CCDC3: variants seen among roughly 807,000 people sequenced by gnomAD.
The protein encoded by CCDC3 is coiled-coil domain-containing protein 3.
In CCDC3, 24 loss-of-function variants were observed where a neutral mutation model predicts 21.4. The observed-to-expected ratio is 1.12, with a 90% CI of 0.81 to 1.58. CCDC3 has a LOEUF of 1.58. Ranked by LOEUF, CCDC3 falls within the 40% of genes most tolerant of loss-of-function variation. CCDC3 has a pLI of 0.00. For synonymous variants in CCDC3, 186 were observed against 166.0 expected, an observed-to-expected ratio of 1.12 and a Z score of -0.93; for missense variants, 425 against 360.9, an observed-to-expected ratio of 1.18 and a Z score of -1.44.
chr10:12,994,067 T>C (rs1048518550), intron 2 of CCDC3, among the ~76,000 whole-genome samples: 1 of 152,060 alleles, frequency 6.6e-6, no homozygotes, highest in Non-Finnish European at 1.5e-5. Context: ...AGATCCACTG[T>C]CCAAGCTGAA....
chr10:12,927,320 ATC>A (rs1210445580), intron 2 of CCDC3, among the ~76,000 whole-genome samples: 1 of 152,174 alleles, frequency 6.6e-6, no homozygotes, highest in Non-Finnish European at 1.5e-5. Flanking sequence ...TTTAGCACAC[ATC>A]TCTAGCTGAT....
chr10:12,922,199 GCT>G (rs1335488294), intron 2 of CCDC3, among the ~76,000 whole-genome samples: 2 of 152,092 alleles, frequency 1.3e-5, no homozygotes, highest in East Asian at 3.9e-4. Context: ...ATGGTTCTTT[GCT>G]CTCTTACATG....
At chr10:13,076,704 C>T (rs1260254543) in intron 3 of CCDC3, among the ~76,000 whole-genome samples, 1 of 152,218 alleles carries the variant, frequency 6.6e-6, no homozygotes, top group Non-Finnish European at 1.5e-5. Flanking sequence ...CATGTCCCAG[C>T]TCGCAGCCTA....
At chr10:12,906,815 A>C (rs149809261) in intron 2 of CCDC3, among the ~76,000 whole-genome samples, 1 of 152,090 alleles carries the variant, frequency 6.6e-6, no homozygotes, top group Non-Finnish European at 1.5e-5. Context: ...AGGACACACA[A>C]AGCTTTTGTG....
intron 2 of CCDC3, among the ~76,000 whole-genome samples, chr10:12,988,685 T>C (rs921420665): frequency 2.0e-5 from 3 of 152,154 alleles, no homozygotes; most frequent in Admixed American, 6.6e-5. Context: ...TCATTATCTG[T>C]TATTTTTCCT....
intron 5 of CCDC3, among the ~76,000 whole-genome samples, chr10:13,040,818 C>G (rs528430276): frequency 1.3e-5 from 2 of 151,826 alleles, no homozygotes; most frequent in Admixed American, 6.6e-5. Context: ...TTTCAGGTAG[C>G]CTTTGAAGGT....
At chr10:13,088,820 C>G (rs929895563) in intron 3 of CCDC3, among the ~76,000 whole-genome samples, 1 of 152,072 alleles carries the variant, frequency 6.6e-6, no homozygotes, top group African/African-American at 2.4e-5. Flanking sequence ...GTCAGGAGTT[C>G]GAGACCAGCC....
intron 4 of CCDC3, among the ~76,000 whole-genome samples, chr10:13,063,709 A>G (rs1836789824): frequency 6.6e-6 from 1 of 152,170 alleles, no homozygotes; most frequent in African/African-American, 2.4e-5. Context: ...TGGGATACAA[A>G]TGCTTCAGTA....
chr10:13,049,523 G>A (rs932062734), intron 5 of CCDC3, among the ~76,000 whole-genome samples: 1 of 152,128 alleles, frequency 6.6e-6, no homozygotes, highest in African/African-American at 2.4e-5. Flanking sequence ...AACCAAGGAG[G>A]GCAAAGCAGA....
At chr10:12,974,026 C>T (rs945204434) in intron 2 of CCDC3, among the ~76,000 whole-genome samples, 3 of 152,170 alleles carry the variant, frequency 2.0e-5, no homozygotes, top group African/African-American at 7.2e-5. Flanking sequence ...GAAGTACAAG[C>T]ACTCCAAGAA....
At chr10:13,066,463 C>T (rs1836820767) in intron 4 of CCDC3, among the ~76,000 whole-genome samples, 1 of 152,228 alleles carries the variant, frequency 6.6e-6, no homozygotes, top group Non-Finnish European at 1.5e-5. Context: ...TAAGCTCAAA[C>T]TTGTAACAGT....
intron 2 of CCDC3, among the ~76,000 whole-genome samples, chr10:12,953,561 T>C (rs1333205450): frequency 6.6e-6 from 1 of 152,214 alleles, no homozygotes; most frequent in East Asian, 1.9e-4. Context: ...GGAGAAGTTA[T>C]TAGCCTACTG....
intron 2 of CCDC3, among the ~76,000 whole-genome samples, chr10:12,984,144 T>A (rs1253587919): frequency 6.6e-6 from 1 of 152,140 alleles, no homozygotes; most frequent in Non-Finnish European, 1.5e-5. Flanking sequence ...AGAAAATGTG[T>A]ACAAATCATA....
intron 2 of CCDC3, among the ~76,000 whole-genome samples, chr10:12,952,050 G>A (rs1266842197): frequency 2.0e-5 from 3 of 152,146 alleles, no homozygotes; most frequent in East Asian, 3.9e-4. Context: ...AGGAAATAAA[G>A]GTACAGAATA....
At chr10:13,095,334 C>G (rs1056559006) in intron 3 of CCDC3, among the ~76,000 whole-genome samples, 2 of 152,064 alleles carry the variant, frequency 1.3e-5, no homozygotes, top group Non-Finnish European at 2.9e-5. Flanking sequence ...CACCAGTGGC[C>G]TCACAGGAGC....
At chr10:13,037,350 T>G (rs1836390407) in intron 5 of CCDC3, among the ~76,000 whole-genome samples, 1 of 152,194 alleles carries the variant, frequency 6.6e-6, no homozygotes, top group African/African-American at 2.4e-5. Flanking sequence ...AATACCTTAT[T>G]ACGTAACCAT....
intron 1 of CCDC3, 145 bp downstream of exon 1, chr10:13,001,052 G>A: frequency 9.7e-7 from 1 of 1,028,064 alleles, no homozygotes; most frequent in Non-Finnish European, 1.4e-6. Context: ...AAAGATCCAA[G>A]AAGGCAAGGG....
chr10:12,999,504 A>T (rs1172562804), intron 1 of CCDC3, among the ~76,000 whole-genome samples: 1 of 152,200 alleles, frequency 6.6e-6, no homozygotes. Flanking sequence ...CTCACCCCTG[A>T]CAGTGACCAC....
At chr10:13,018,795 G>C (rs1188257478) in intron 5 of CCDC3, among the ~76,000 whole-genome samples, 1 of 151,884 alleles carries the variant, frequency 6.6e-6, no homozygotes, top group East Asian at 1.9e-4. Context: ...TCAGCTGGGC[G>C]AGGTGGTGAG....
Sources: allele counts gnomAD v4.1 joint callset (sites outside exome capture counted in the v4.1 genomes callset), GRCh38; gene constraint gnomAD v4.1.1; transcripts MANE v1.5; gene names NCBI Gene and HGNC (gene_info 2026-07-23, HGNC 2026-07-21).